Variants in PLCE1 observed in about 807,000 individuals in gnomAD.
PLCE1 encodes 1-phosphatidylinositol 4,5-bisphosphate phosphodiesterase epsilon-1.
PLCE1 carries 119 observed loss-of-function variants against 242.8 expected under a neutral mutation model. The ratio of observed to expected loss-of-function variants is 0.49; its 90% CI spans 0.42 to 0.57. PLCE1 has a LOEUF of 0.57. Ranked by LOEUF, PLCE1 falls within the 20% of genes least tolerant of loss-of-function variation. The pLI is 0.00. For synonymous variants in PLCE1, 945 were observed against 1,017.4 expected (o/e 0.93, Z 1.35); for missense variants, 2,441 against 2,788.8 (o/e 0.88, Z 2.81).
chr10:94,004,276 T>G (rs1330225046), intron 1 of PLCE1, among the ~76,000 whole-genome samples: 2 of 152,182 alleles, frequency 1.3e-5, no homozygotes, highest in Non-Finnish European at 2.9e-5. Context: ...AGTATGGACT[T>G]CCTTTTCTGG....
intron 30 of PLCE1, among the ~76,000 whole-genome samples, chr10:94,323,247 C>G (rs2053887364): frequency 6.6e-6 from 1 of 152,158 alleles, no homozygotes. Context: ...AGTTTGCTTC[C>G]TTCATAGCCT....
intron 3 of PLCE1, among the ~76,000 whole-genome samples, chr10:94,170,531 C>T (rs1309680046): frequency 6.6e-6 from 1 of 152,170 alleles, no homozygotes; most frequent in Non-Finnish European, 1.5e-5. Flanking sequence ...GTGGGCCAGG[C>T]AGTTAAGATT....
At chr10:94,201,734 C>T (rs2048994060) in intron 4 of PLCE1, among the ~76,000 whole-genome samples, 1 of 152,214 alleles carries the variant, frequency 6.6e-6, no homozygotes, top group South Asian at 2.1e-4. Flanking sequence ...CTGCCTCAGC[C>T]TCCCAAAGTG....
At chr10:94,156,652 C>T (rs2047442325) in intron 3 of PLCE1, among the ~76,000 whole-genome samples, 1 of 152,270 alleles carries the variant, frequency 6.6e-6, no homozygotes, top group South Asian at 2.1e-4. Flanking sequence ...ATCACCTCAG[C>T]ATGATTAATT....
intron 4 of PLCE1, among the ~76,000 whole-genome samples, chr10:94,213,002 T>C (rs1249821785): frequency 1.3e-5 from 2 of 152,200 alleles, no homozygotes; most frequent in Non-Finnish European, 2.9e-5. Flanking sequence ...TAAGTGCAGC[T>C]TGGAAGTGCT....
At chr10:94,267,351 C>T (rs962243288) in intron 16 of PLCE1, among the ~76,000 whole-genome samples, 2 of 152,132 alleles carry the variant, frequency 1.3e-5, no homozygotes, top group African/African-American at 2.4e-5. Context: ...TAATATCACA[C>T]CCCAAGGAGA....
intron 3 of PLCE1, among the ~76,000 whole-genome samples, chr10:94,161,700 T>A (rs1262222586): frequency 3.3e-5 from 5 of 152,100 alleles, no homozygotes; most frequent in Admixed American, 2.0e-4. Flanking sequence ...ATTTTGAATA[T>A]GAGTGGTGAG....
intron 3 of PLCE1, among the ~76,000 whole-genome samples, chr10:94,141,127 C>T (rs2046941687): frequency 6.6e-6 from 1 of 152,178 alleles, no homozygotes; most frequent in East Asian, 1.9e-4. Flanking sequence ...ATGAGTAGGT[C>T]ATAGGGCCAG....
At chr10:94,097,422 T>G (rs2045354513) in intron 2 of PLCE1, among the ~76,000 whole-genome samples, 1 of 152,180 alleles carries the variant, frequency 6.6e-6, no homozygotes, top group Non-Finnish European at 1.5e-5. Context: ...ATCTATTCCT[T>G]TATCCAACCA....
intron 4 of PLCE1, among the ~76,000 whole-genome samples, chr10:94,210,128 TTTG>T: frequency 6.6e-6 from 1 of 152,098 alleles, no homozygotes; most frequent in Admixed American, 6.5e-5. Context: ...TGTTTTTTTG[TTTG>T]TTGTTTGTTT....
chr10:94,265,734 A>C lies in PLCE1; in HGVS notation c.4115+26A>C, dbSNP rs3740360. 0.11 allele frequency: 169,472 copies of C among 1,613,394 alleles called. 10,001 individuals carry two copies. The highest frequency in any genetic ancestry group is 0.2 in the East Asian group (8,850 of 44,850). On this transcript the variant is annotated intron_variant, in intron 15 of 32. Coordinates refer to ENST00000371380, the MANE Select transcript of PLCE1 (RefSeq NM_016341.4). ...GTAACTTTTAAAATATCTTTTGCCC[A>C]TCTTTTAAGAGTAGATGCATTTTTC...
intron 2 of PLCE1, among the ~76,000 whole-genome samples, chr10:94,080,737 G>A (rs144791907): frequency 3.9e-5 from 6 of 152,222 alleles, no homozygotes; most frequent in East Asian, 3.9e-4. Flanking sequence ...TCTGTATTCT[G>A]TTGTTTCTTA....
intron 3 of PLCE1, among the ~76,000 whole-genome samples, chr10:94,153,635 C>T (rs996966288): frequency 8.5e-5 from 13 of 152,082 alleles, no homozygotes; most frequent in African/African-American, 3.1e-4. Flanking sequence ...CAAAGATAGA[C>T]AATCCTAAGG....
chr10:94,061,469 C>CATT (rs1206918265), intron 2 of PLCE1, among the ~76,000 whole-genome samples: 7 of 152,162 alleles, frequency 4.6e-5, no homozygotes, highest in Admixed American at 1.3e-4. Flanking sequence ...TTTTCATTAA[C>CATT]ATTACACCAA....
chr10:94,114,732 T>A (rs1037679155), intron 2 of PLCE1, among the ~76,000 whole-genome samples: 1 of 148,584 alleles, frequency 6.7e-6, no homozygotes, highest in African/African-American at 2.5e-5. Context: ...TGCCCTATGT[T>A]TTTTTTTGTT....
chr10:94,164,590 T>G (rs1357673615), intron 3 of PLCE1, among the ~76,000 whole-genome samples: 4 of 152,236 alleles, frequency 2.6e-5, no homozygotes, highest in Non-Finnish European at 5.9e-5. Context: ...AACTTCCTCC[T>G]TTAGCTCAGA....
chr10:94,320,291 T>C (rs73321833), intron 29 of PLCE1, among the ~76,000 whole-genome samples: 2 of 152,158 alleles, frequency 1.3e-5, no homozygotes, highest in African/African-American at 2.4e-5. Context: ...TATTCATTCA[T>C]GGGAAAAAAA....
chr10:94,324,767 G>A (rs1030527838), intron 31 of PLCE1, 125 bp from the exon 32 acceptor site: 8 of 1,049,686 alleles, frequency 7.6e-6, no homozygotes, highest in African/African-American at 1.6e-5. Context: ...CTAGAGGGGA[G>A]CTCCTCAGCC....
intron 4 of PLCE1, among the ~76,000 whole-genome samples, chr10:94,226,835 T>A (rs7083090): frequency 8.2e-6 from 1 of 122,412 alleles, no homozygotes; most frequent in African/African-American, 3.1e-5. Context: ...ATAGGTCTTT[T>A]TTTTTTTTTT....
Sources: gnomAD v4.1 joint callset for allele counts (sites outside exome capture counted in the v4.1 genomes callset) on GRCh38, gnomAD v4.1.1 for gene constraint, MANE v1.5 for transcripts, NCBI Gene and HGNC (gene_info 2026-07-23, HGNC 2026-07-21) for gene names.